The following C10orf105 variants were observed in gnomAD, a reference collection of about 807,000 sequenced individuals.
C10orf105 encodes chromosome 10 open reading frame 105, also known as uncharacterized protein C10orf105.
Under a neutral mutation model 0.6 loss-of-function variants are expected in C10orf105, and 2 were observed. The ratio of observed to expected loss-of-function variants is 3.18; its 90% confidence interval spans 1.30 to 10.01. The LOEUF (loss-of-function observed/expected upper bound fraction) is 10.01, where lower values mean the gene tolerates loss of function less well. Ranked by LOEUF, C10orf105 falls within the 30% of genes most tolerant of loss-of-function variation. The pLI, the probability that C10orf105 is intolerant of heterozygous loss-of-function variation, is 0.04. For missense variants in C10orf105, 209 were observed against 191.4 expected (o/e 1.09, Z -0.54); for synonymous variants, 95 against 82.4 (o/e 1.15, Z -0.83).
At chr10:71,732,530 G>T in intron 1 of C10orf105, 1 of 1,337,268 alleles carries the variant, frequency 7.5e-7, no homozygotes, top group Non-Finnish European at 1.0e-6. Flanking sequence ...TGCTTGAGAG[G>T]CTGGGGCAGG....
At chr10:71,731,274 T>G (rs1160616138) in intron 1 of C10orf105, among the ~76,000 whole-genome samples, 2 of 152,244 alleles carry the variant, frequency 1.3e-5, no homozygotes, top group Non-Finnish European at 2.9e-5. Flanking sequence ...CTCCCTGAGC[T>G]GCTCATCCTT....
intron 1 of C10orf105, chr10:71,732,443 G>A (rs1379634240): frequency 6.5e-7 from 1 of 1,541,106 alleles, no homozygotes; most frequent in Non-Finnish European, 8.8e-7. Context: ...CTCCTTCTGT[G>A]TGCACAGCAC....
At chr10:71,733,077 C>G (rs1425135745) in intron 1 of C10orf105, among the ~76,000 whole-genome samples, 1 of 152,184 alleles carries the variant, frequency 6.6e-6, no homozygotes, top group African/African-American at 2.4e-5. Flanking sequence ...GACCAACTGG[C>G]TAAATCAGAG....
intron 1 of C10orf105, chr10:71,732,466 C>T: frequency 6.6e-7 from 1 of 1,512,658 alleles, no homozygotes; most frequent in South Asian, 1.2e-5. Context: ...TCCTCTTTGT[C>T]ATAAAATGTC....
At chr10:71,722,788 G>A (rs1866618628), upstream of C10orf105, among the ~76,000 whole-genome samples, 1 of 152,194 alleles carries the variant, frequency 6.6e-6, no homozygotes, top group Non-Finnish European at 1.5e-5. Flanking sequence ...GAAACAGCCA[G>A]GGCAGAAGCC....
chr10:71,717,354 C>A (rs1866312011), intron 1 of C10orf105: 1 of 152,262 alleles, frequency 6.6e-6, no homozygotes, highest in Non-Finnish European at 1.5e-5. Context: ...CTTGCCACCC[C>A]TCTGGCCCCC....
At chr10:71,718,037 G>A (rs964696193) in intron 1 of C10orf105, 3 of 152,172 alleles carry the variant, frequency 2.0e-5, no homozygotes, top group Non-Finnish European at 2.9e-5. Flanking sequence ...CAATCCCAGG[G>A]GGTCTGATAA....
intron 1 of C10orf105, among the ~76,000 whole-genome samples, chr10:71,729,403 C>T (rs1429372804): frequency 1.3e-5 from 2 of 152,238 alleles, no homozygotes; most frequent in Admixed American, 6.5e-5. Context: ...GGGAGCTAGG[C>T]CTCCGTCCCC....
In C10orf105 at chr10:71,712,434, C is replaced by T. The variant is rs1866010377; in HGVS notation, c.*3502G>A. ...GTAAAGTGTCTGCTTCATGGGGTTG[C>T]TGTGAGGACTGAATGGGTTAGAAGA... On this transcript the variant is annotated 3_prime_UTR_variant, in exon 2 of 2. Transcript: ENST00000441508. 7.7e-6 allele frequency: 4 copies of T among 516,692 alleles called. No individual in the cohort carries two copies. The highest frequency in any genetic ancestry group is 1.4e-5 in the Non-Finnish European group (4 of 287,430). 32.0% of individuals were successfully genotyped at this position (516,692 alleles called of 1,614,324 possible).
At chr10:71,733,197 A>G (rs1839448423) in intron 1 of C10orf105, among the ~76,000 whole-genome samples, 1 of 152,230 alleles carries the variant, frequency 6.6e-6, no homozygotes, top group African/African-American at 2.4e-5. Flanking sequence ...AGTCTAAAGG[A>G]TACCAACAAA....
rs967324506 is a variant in C10orf105, at chr10:71,713,516, G to C, written c.*2420C>G. 1.9e-6 allele frequency: 1 copy of C among 539,098 alleles called. No individual in the cohort carries two copies. The highest frequency in any genetic ancestry group is 3.3e-6 in the Non-Finnish European group (1 of 301,818). The allele number at this position is 539,098 out of a possible 1,614,324, so 33.4% of individuals were successfully genotyped here. On this transcript the variant is annotated 3_prime_UTR_variant, in exon 2 of 2. Coordinates refer to ENST00000441508, the MANE Select transcript of C10orf105 (RefSeq NM_001164375.3). ...GACAGAAGCGTGGGAGGCTGGCAAT[G>C]CTCCCCTCCCTGCATCGGGACCAGG...
chr10:71,732,269 T>G (rs2132825715), intron 1 of C10orf105: 1 of 1,613,588 alleles, frequency 6.2e-7, no homozygotes, highest in South Asian at 1.1e-5. Flanking sequence ...ACTGAGATTG[T>G]GCGGGTCCAG....
Position 71,725,443 on chromosome 10 carries a change from C to T in C10orf105, c.-5-9101G>A, listed in dbSNP as rs760741729. ...GATGCGAGGGCCCCGGCCCCTGGAC[C>T]GGGAGCGGAACTCATCCCACGTGCT... On this transcript the variant is annotated intron_variant, in intron 1 of 1. Transcript: ENST00000398786. The T allele has an allele frequency of 1.5e-5, 24 of 1,613,938 alleles. No individual in the cohort carries two copies. Among genetic ancestry groups the T allele is most frequent in the Admixed American group, 6.7e-5 (4 of 60,010 alleles).
At chr10:71,727,662 T>TACAC (rs201847134) in intron 1 of C10orf105, among the ~76,000 whole-genome samples, 2 of 151,192 alleles carry the variant, frequency 1.3e-5, no homozygotes, top group South Asian at 4.2e-4. Context: ...TCACGACACA[T>TACAC]ACACACACAC....
At chr10:71,719,123 A>G (rs1012524732) in intron 1 of C10orf105, among the ~76,000 whole-genome samples, 3 of 152,166 alleles carry the variant, frequency 2.0e-5, no homozygotes, top group African/African-American at 7.2e-5. Context: ...TGTAATTAGC[A>G]TCTGAGTAGT....
At chr10:71,720,288 C>T (rs1008601483), upstream of C10orf105, among the ~76,000 whole-genome samples, 12 of 152,096 alleles carry the variant, frequency 7.9e-5, no homozygotes, top group Non-Finnish European at 8.8e-5. Flanking sequence ...GCTACAGAAG[C>T]GAGGGGTGAG....
intron 1 of C10orf105, chr10:71,734,290 T>C: frequency 6.2e-7 from 1 of 1,612,694 alleles, no homozygotes; most frequent in Non-Finnish European, 8.5e-7. Context: ...GCGACTTCTA[T>C]ACCTTGACAG....
At chr10:71,732,794 A>AGT (rs1284039539) in intron 1 of C10orf105, 1 of 860,596 alleles carries the variant, frequency 1.2e-6, no homozygotes. Context: ...TGGTCATCGA[A>AGT]GTGTGTGTGG....
chr10:71,724,114 G>A (rs752929224), upstream of C10orf105: 4 of 1,554,752 alleles, frequency 2.6e-6, no homozygotes, highest in South Asian at 4.8e-5. Context: ...TGGTAAGTGG[G>A]GCTGCCCTAG....
Sources: allele counts gnomAD v4.1 joint callset (sites outside exome capture counted in the v4.1 genomes callset), GRCh38; gene constraint gnomAD v4.1.1; transcripts MANE v1.5; gene names NCBI Gene and HGNC (gene_info 2026-07-23, HGNC 2026-07-21).